Variants in STAMBP observed in about 807,000 individuals in gnomAD.
STAMBP encodes the protein STAM binding protein, also known as STAM-binding protein.
A neutral mutation model predicts 50.7 loss-of-function variants in STAMBP; 31 were observed. The ratio of observed to expected loss-of-function variants is 0.61; its 90% CI spans 0.46 to 0.83. The LOEUF (loss-of-function observed/expected upper bound fraction) is 0.83, where lower values mean the gene tolerates loss of function less well. STAMBP is among the 40% of genes least tolerant of loss of function. The pLI, the probability that STAMBP is intolerant of heterozygous loss-of-function variation, is 0.00. For missense variants in STAMBP, 472 were observed against 518.9 expected (o/e 0.91, Z 0.88); for synonymous variants, 211 against 192.4 (o/e 1.10, Z -0.80).
intron 7 of STAMBP, among the ~76,000 whole-genome samples, chr2:73,852,969 A>T (rs1677056995): frequency 7.2e-6 from 1 of 138,872 alleles, no homozygotes; most frequent in African/African-American, 2.7e-5. Context: ...TTTAGTAGAG[A>T]CTGGGTTTCA....
At chr2:73,873,002 T>C (rs568463118) in intron 10 of STAMBP, among the ~76,000 whole-genome samples, 4 of 152,334 alleles carry the variant, frequency 2.6e-5, no homozygotes, top group African/African-American at 7.2e-5. Context: ...TGTTTTCCCA[T>C]AGAAATGATG....
chr2:73,852,355 GGTTCA>G (rs1262388928), intron 7 of STAMBP, among the ~76,000 whole-genome samples: 1 of 152,090 alleles, frequency 6.6e-6, no homozygotes, highest in Non-Finnish European at 1.5e-5. Flanking sequence ...TTGAAAGTGG[GGTTCA>G]GTTCTGAGCA....
intron 2 of STAMBP, among the ~76,000 whole-genome samples, chr2:73,834,652 G>A (rs1298027685): frequency 6.6e-6 from 1 of 152,006 alleles, no homozygotes; most frequent in Admixed American, 6.6e-5. Context: ...AAAGTCAGCT[G>A]TAGTCGAAAT....
At chr2:73,843,665 G>T (rs1675719336) in intron 2 of STAMBP, among the ~76,000 whole-genome samples, 1 of 152,070 alleles carries the variant, frequency 6.6e-6, no homozygotes, top group Admixed American at 6.6e-5. Flanking sequence ...TATCAAGTTG[G>T]ATCAAAATGA....
At chr2:73,832,603 T>G (rs1674105164) in intron 2 of STAMBP, among the ~76,000 whole-genome samples, 1 of 152,132 alleles carries the variant, frequency 6.6e-6, no homozygotes, top group Non-Finnish European at 1.5e-5. Flanking sequence ...TCACATTAAG[T>G]TTTTGATCAC....
At position 73,831,986 on chromosome 2, in the gene STAMBP, A is replaced by G. The variant is rs1673982310; in HGVS notation, c.203+927A>G. Among the ~76,000 whole-genome samples, 4 of 151,312 alleles carry G rather than the reference A, an allele frequency of 2.6e-5. No homozygotes were observed. The South Asian group carries it at 8.4e-4, about 32-fold the overall frequency. On this transcript the variant is annotated intron_variant, in intron 2 of 9. Coordinates refer to ENST00000394070, the MANE Select transcript of STAMBP (RefSeq NM_213622.4). Reference sequence around the variant, plus strand: ...TGTTCTTCTTGTTTTCCATTTAGTAATGTTCTAGAGTCAGAGGTAGTCTTT... The same window carrying G: ...TGTTCTTCTTGTTTTCCATTTAGTAGTGTTCTAGAGTCAGAGGTAGTCTTT...
At chr2:73,853,744 A>G (rs930577994) in intron 7 of STAMBP, among the ~76,000 whole-genome samples, 1 of 152,174 alleles carries the variant, frequency 6.6e-6, no homozygotes, top group African/African-American at 2.4e-5. Context: ...AACTAAATGT[A>G]CACTTTAACA....
chr2:73,833,492 C>T (rs1046918202), intron 2 of STAMBP, among the ~76,000 whole-genome samples: 7 of 151,124 alleles, frequency 4.6e-5, no homozygotes. Flanking sequence ...GTTTTTTTGA[C>T]CCTGTCTTCT....
At chr2:73,838,720 C>G (rs190401690) in intron 2 of STAMBP, among the ~76,000 whole-genome samples, 1 of 152,224 alleles carries the variant, frequency 6.6e-6, no homozygotes, top group African/African-American at 2.4e-5. Flanking sequence ...CTTATAGGAC[C>G]ACTTAAAATG....
chr2:73,852,015 T>G (rs913227094), intron 7 of STAMBP, among the ~76,000 whole-genome samples: 2 of 152,172 alleles, frequency 1.3e-5, no homozygotes, highest in Non-Finnish European at 2.9e-5. Context: ...GTTCCACTTT[T>G]TAGTAAGTGG....
rs755791493 is a variant in STAMBP at position 73,849,350 on chromosome 2, T to C, written c.743-13T>C. 6 of 1,613,552 alleles carry C rather than the reference T, an allele frequency of 3.7e-6. No individual in the cohort carries two copies. The highest frequency in any genetic ancestry group is 5.1e-6 in the Non-Finnish European group (6 of 1,179,982). ...CTCAGTGGTCGCAGACTATTCTCCT[T>C]TCTCCTTTACAGTTCCCACAATCGA... On this transcript the variant is annotated splice_polypyrimidine_tract_variant and intron_variant, in intron 5 of 9. Coordinates refer to ENST00000394070, the MANE Select transcript of STAMBP (RefSeq NM_213622.4).
At chr2:73,853,119 G>GA (rs1440606917) in intron 7 of STAMBP, among the ~76,000 whole-genome samples, 1 of 152,140 alleles carries the variant, frequency 6.6e-6, no homozygotes, top group African/African-American at 2.4e-5. Context: ...GAGAGCTCCA[G>GA]AATGGTGAAG....
chr2:73,862,241 C>T lies in STAMBP; in HGVS notation c.1257C>T (p.Thr419=). ...TGACTGTTGTGGACAGAGCAGTGAC[C>T]ATCACAGACCTTCGATGAGCGTTTG... ...SHVTVVDRAV[T]ITDLR Residue 419 remains threonine, a synonymous_variant, in exon 10 of 10, where the codon ACC becomes ACT. Coordinates refer to ENST00000394070, the MANE Select transcript of STAMBP (RefSeq NM_213622.4). The T allele has an allele frequency of 1.2e-6, 2 of 1,612,232 alleles. No individual in the cohort carries two copies. Among genetic ancestry groups the T allele is most frequent in the Non-Finnish European group, 1.7e-6 (2 of 1,179,346 alleles).
chr2:73,842,911 A>G (rs187389955), intron 2 of STAMBP, among the ~76,000 whole-genome samples: 7 of 152,336 alleles, frequency 4.6e-5, no homozygotes, highest in Admixed American at 2.6e-4. Context: ...TAATAAGAGC[A>G]TAAGTAAAAA....
chr2:73,834,786 G>A (rs905849162), intron 2 of STAMBP, among the ~76,000 whole-genome samples: 3 of 152,162 alleles, frequency 2.0e-5, no homozygotes, highest in Non-Finnish European at 4.4e-5. Context: ...AATACAGTTG[G>A]TCATTCCAAG....
At position 73,847,634 on chromosome 2, in the gene STAMBP, T is replaced by TC; in HGVS notation, c.627dup (p.Thr210HisfsTer20). 1 of 1,614,146 alleles carries TC rather than the reference T, an allele frequency of 6.2e-7. No individual in the cohort carries two copies. The highest frequency in any genetic ancestry group is 8.5e-7 in the Non-Finnish European group (1 of 1,180,026). ...TTGGAGAAGCCCTCCTTAGATGTGT[T>TC]CCCCACCTTAACAGTCTCATCCATA... is the stretch of plus-strand genomic sequence containing the variant. On this transcript the variant is annotated frameshift_variant, in exon 5 of 10. Transcript: ENST00000394070. LOFTEE classifies it high-confidence loss of function.
At chr2:73,853,714 T>C (rs1273129517) in intron 7 of STAMBP, among the ~76,000 whole-genome samples, 1 of 152,150 alleles carries the variant, frequency 6.6e-6, no homozygotes, top group African/African-American at 2.4e-5. Flanking sequence ...AGAGCGAGAC[T>C]TGGTCTTGGG....
At position 73,865,751 on chromosome 2, in the gene STAMBP, C is replaced by T. The variant is rs900601615; in HGVS notation, c.*3492C>T. ...TATAAGGGATTTGTTACTTGTCTTT[C>T]TTGAAATGTTACAGTTGGGGTGCGG... On this transcript the variant is annotated 3_prime_UTR_variant, in exon 10 of 10. Coordinates refer to ENST00000394070, the MANE Select transcript of STAMBP (RefSeq NM_213622.4). The T allele has an allele frequency of 1.3e-5, 2 of 152,204 alleles. No homozygotes were observed. The highest frequency in any genetic ancestry group is 4.8e-5 in the African/African-American group (2 of 41,442). 9.4% of individuals were successfully genotyped at this position (152,204 alleles called of 1,614,324 possible).
rs200575301 is a variant in STAMBP at position 73,843,404 on chromosome 2, A to ATG, written c.204-1407_204-1406dup. On this transcript the variant is annotated intron_variant, in intron 2 of 9. Coordinates refer to ENST00000394070, the MANE Select transcript of STAMBP (RefSeq NM_213622.4). ...TATGTTTTGTTATATATGTTTGTGTATGTATATATATATATGTATATATAT... is the reference window on the plus strand; with the variant it reads ...TATGTTTTGTTATATATGTTTGTGTATGTGTATATATATATATGTATATATAT... Among the ~76,000 whole-genome samples, 668 of 128,036 alleles carry ATG rather than the reference A, an allele frequency of 5.2e-3. 10 individuals carry two copies. Among genetic ancestry groups the ATG allele is most frequent in the African/African-American group, 0.019 (560 of 29,552 alleles). The allele number at this position is 128,036 out of a possible 152,430, so 84.0% of individuals were successfully genotyped here.
Sources: allele counts gnomAD v4.1 joint callset (sites outside exome capture counted in the v4.1 genomes callset), GRCh38; gene constraint gnomAD v4.1.1; transcripts MANE v1.5; gene names NCBI Gene and HGNC (gene_info 2026-07-23, HGNC 2026-07-21).